The following SFMBT1 variants were observed in gnomAD, a reference collection of about 807,000 sequenced individuals.
The protein encoded by SFMBT1 is scm-like with four MBT domains protein 1.
SFMBT1 carries 32 observed loss-of-function variants against 108.7 expected under a neutral mutation model. That is an observed-to-expected ratio of 0.29 (90% CI 0.22 to 0.40). The LOEUF (loss-of-function observed/expected upper bound fraction) is 0.40. Ranked by LOEUF, SFMBT1 falls within the 10% of genes least tolerant of loss-of-function variation. The probability of loss-of-function intolerance (pLI) is 1.00; values close to 1 mark genes in which losing one functional copy is unlikely to be tolerated. For synonymous variants in SFMBT1, 348 were observed against 369.5 expected, an observed-to-expected ratio of 0.94 and a Z score of 0.67; for missense variants, 816 against 1,059.6, an observed-to-expected ratio of 0.77 and a Z score of 3.19.
At chr3:52,990,569 C>G (rs1705084315) in intron 1 of SFMBT1, among the ~76,000 whole-genome samples, 1 of 152,168 alleles carries the variant, frequency 6.6e-6, no homozygotes, top group African/African-American at 2.4e-5. Context: ...TTCTCGGAAT[C>G]TTTAACAAAA....
At chr3:53,031,419 G>T (rs1699681961) in intron 1 of SFMBT1, among the ~76,000 whole-genome samples, 1 of 152,138 alleles carries the variant, frequency 6.6e-6, no homozygotes, top group South Asian at 2.1e-4. Flanking sequence ...ATCCAAAGAT[G>T]CTCAGTTATC....
chr3:52,948,256 T>TA (rs35355002), intron 3 of SFMBT1, among the ~76,000 whole-genome samples: 100,188 of 151,844 alleles, frequency 0.66, 34,101 homozygotes, highest in Middle Eastern at 0.76. Flanking sequence ...AACTTTGTAA[T>TA]AATCAAGTGT....
intron 5 of SFMBT1, among the ~76,000 whole-genome samples, chr3:52,933,430 A>C (rs1411557985): frequency 6.6e-6 from 1 of 152,244 alleles, no homozygotes; most frequent in Admixed American, 6.5e-5. Context: ...ATTCATTATC[A>C]AGTTATCACT....
intron 1 of SFMBT1, among the ~76,000 whole-genome samples, chr3:52,997,090 C>A (rs967516913): frequency 6.9e-6 from 1 of 145,886 alleles, no homozygotes; most frequent in South Asian, 2.2e-4. Context: ...AAAACAAAAA[C>A]AAAAAAAAAG....
chr3:52,954,111 C>T (rs956434430), intron 3 of SFMBT1, among the ~76,000 whole-genome samples: 5 of 150,676 alleles, frequency 3.3e-5, no homozygotes, highest in African/African-American at 4.9e-5. Context: ...GGCGACAAAG[C>T]GAGACTCCAT....
chr3:52,965,218 C>A, intron 2 of SFMBT1, among the ~76,000 whole-genome samples: 1 of 150,832 alleles, frequency 6.6e-6, no homozygotes, highest in African/African-American at 2.4e-5. Flanking sequence ...AAAAAAAAAC[C>A]CTCTATGGAT....
chr3:53,020,406 G>GA (rs1353328971), intron 1 of SFMBT1, among the ~76,000 whole-genome samples: 2 of 149,678 alleles, frequency 1.3e-5, no homozygotes, highest in Admixed American at 6.7e-5. Flanking sequence ...AACAAACAAA[G>GA]AAAAAACAAA....
intron 20 of SFMBT1, among the ~76,000 whole-genome samples, chr3:52,905,555 T>C (rs570888887): frequency 9.8e-5 from 15 of 152,364 alleles, no homozygotes; most frequent in Non-Finnish European, 2.2e-4. Context: ...TTTAGTAAAC[T>C]GACTAGCCCT....
At position 53,038,254 on chromosome 3, in the gene SFMBT1, T is replaced by C. The variant is rs1039016433; in HGVS notation, c.-131+7562A>G. Among the ~76,000 whole-genome samples, 9 of 152,308 alleles carry C rather than the reference T, an allele frequency of 5.9e-5. No homozygotes were observed. In the East Asian group the frequency reaches 1.3e-3, roughly 23 times the overall value. The stretch of plus-strand genomic sequence containing the variant: ...TACCCTGTATCTCCTCCCCTAACCA[T>C]TGACTTTTACTACCGTGGCTCTATG... On this transcript the variant is annotated intron_variant, in intron 1 of 20. Transcript: ENST00000394752.
At chr3:53,034,999 T>C (rs1699822120) in intron 1 of SFMBT1, among the ~76,000 whole-genome samples, 1 of 152,216 alleles carries the variant, frequency 6.6e-6, no homozygotes, top group South Asian at 2.1e-4. Context: ...CAGCGGTCCA[T>C]GTGAGACTGA....
At chr3:52,946,991 C>T (rs1703390251) in intron 3 of SFMBT1, among the ~76,000 whole-genome samples, 1 of 152,076 alleles carries the variant, frequency 6.6e-6, no homozygotes, top group Non-Finnish European at 1.5e-5. Flanking sequence ...AGGCTGGTCT[C>T]TAACTCTGGG....
In SFMBT1 at chr3:53,022,507, C is replaced by T. The variant is rs534320496; in HGVS notation, c.-131+23309G>A. ...AGACCCTGTTTCTATAAAAAACAAA[C>T]AAACAAATAAATAAACCAGAATGAA... On this transcript the variant is annotated intron_variant, in intron 1 of 20. Coordinates refer to ENST00000394752, the MANE Select transcript of SFMBT1 (RefSeq NM_016329.4). Among the ~76,000 whole-genome samples the T allele has an allele frequency of 6.6e-4, 72 of 109,212 alleles. 2 individuals carry two copies. The South Asian group carries it at 0.022, about 33-fold the overall frequency. 71.6% of individuals were successfully genotyped at this position (109,212 alleles called of 152,430 possible).
In SFMBT1 at chr3:53,004,822, A is replaced by T. The variant is rs1698684305; in HGVS notation, c.-130-35564T>A. ...ACACACACATGTGCTAAGCTGAAGCAGCCATCCCTGGAACCGGAAAGAATG... is the reference window on the plus strand; with the variant it reads ...ACACACACATGTGCTAAGCTGAAGCTGCCATCCCTGGAACCGGAAAGAATG... On this transcript the variant is annotated intron_variant, in intron 1 of 20. Transcript: ENST00000394752. Among the ~76,000 whole-genome samples, 2 of 132,760 alleles carry T rather than the reference A, an allele frequency of 1.5e-5. 1 individual carries two copies. Among genetic ancestry groups the T allele is most frequent in the Non-Finnish European group, 3.6e-5 (2 of 55,900 alleles). 87.1% of individuals were successfully genotyped at this position (132,760 alleles called of 152,430 possible). A position where few individuals can be genotyped will look rare whatever the true frequency, so the allele number is the denominator to read the frequency against.
At chr3:52,979,492 A>G (rs1431964460) in intron 1 of SFMBT1, among the ~76,000 whole-genome samples, 11 of 152,158 alleles carry the variant, frequency 7.2e-5, no homozygotes, top group Admixed American at 4.6e-4. Context: ...ACTGTAGGGG[A>G]TCACACATGG....
In SFMBT1 at chr3:52,932,148, T is replaced by C. The variant is rs776455170; in HGVS notation, c.614A>G (p.Tyr205Cys). Residue 205 changes from tyrosine (Y) to cysteine (C), a missense_variant, in exon 6 of 21, where the codon TAT becomes TGT. By Grantham distance (194) the Tyr-to-Cys change is radical. Around this residue, in one of 5 missense-constraint regions of SFMBT1, gnomAD observed 495 missense variants for 607.4 expected, o/e 0.81. Coordinates refer to ENST00000394752, the MANE Select transcript of SFMBT1 (RefSeq NM_016329.4). ...ATCCAAGTAATACAACCAATGTTCA[T>C]AATTGTCAGAACTTTCAAGTCCTTC... ...RYEGLESSDN[Y>C]EHWLYYLDPF... 65 of 1,614,064 alleles carry C rather than the reference T, an allele frequency of 4.0e-5. No individual in the cohort carries two copies. Among genetic ancestry groups the C allele is most frequent in the Non-Finnish European group, 5.4e-5 (64 of 1,180,030 alleles).
At chr3:53,038,218 C>T (rs1699927046) in intron 1 of SFMBT1, among the ~76,000 whole-genome samples, 1 of 152,198 alleles carries the variant, frequency 6.6e-6, no homozygotes, top group Non-Finnish European at 1.5e-5. Flanking sequence ...CCAGTTTAGA[C>T]AACTGTCTCC....
At chr3:52,916,084 A>G in intron 14 of SFMBT1, 66 bp downstream of exon 14, 2 of 1,362,028 alleles carry the variant, frequency 1.5e-6, no homozygotes, top group Non-Finnish European at 2.1e-6. Flanking sequence ...GTTTTAAGTT[A>G]TTTTCAGATA....
chr3:52,954,140 A>T (rs1703695982), intron 3 of SFMBT1, among the ~76,000 whole-genome samples, 177 bp downstream of exon 3: 1 of 152,138 alleles, frequency 6.6e-6, no homozygotes, highest in Non-Finnish European at 1.5e-5. Context: ...AAAATAAAAA[A>T]ATAAAAAAAT....
chr3:52,953,955 T>C (rs1418199403), intron 3 of SFMBT1, among the ~76,000 whole-genome samples: 1 of 151,826 alleles, frequency 6.6e-6, no homozygotes, highest in Non-Finnish European at 1.5e-5. Context: ...TGAAACCCCA[T>C]CTCTACTAAA....
Sources: gnomAD v4.1 joint callset for allele counts (sites outside exome capture counted in the v4.1 genomes callset) on GRCh38, gnomAD v4.1.1 for gene constraint, gnomAD v4.1.1 regional missense constraint, MANE v1.5 for transcripts, NCBI Gene and HGNC (gene_info 2026-07-23, HGNC 2026-07-21) for gene names.